The following FLT1 variants were observed in gnomAD, a reference collection of about 807,000 sequenced individuals.
The protein encoded by FLT1 is vascular endothelial growth factor receptor 1.
In FLT1, 49 loss-of-function variants were observed where a neutral mutation model predicts 156.3. The ratio of observed to expected loss-of-function variants is 0.31; its 90% CI spans 0.25 to 0.40. The LOEUF (loss-of-function observed/expected upper bound fraction) is 0.40. Among genes scored for constraint, FLT1 ranks in the 10% least tolerant of loss-of-function variants. FLT1 has a pLI of 1.00. For missense variants in FLT1, 1,322 were observed against 1,637.2 expected (o/e 0.81, Z 3.32); for synonymous variants, 594 against 583.8 (o/e 1.02, Z -0.25).
At chr13:28,487,317 A>G (rs1881219258) in intron 1 of FLT1, among the ~76,000 whole-genome samples, 1 of 152,240 alleles carries the variant, frequency 6.6e-6, no homozygotes, top group Non-Finnish European at 1.5e-5. Context: ...GGGTTTTGCT[A>G]CAGGTGGCCT....
At chr13:28,478,511 T>C (rs1659902254) in intron 1 of FLT1, among the ~76,000 whole-genome samples, 1 of 152,228 alleles carries the variant, frequency 6.6e-6, no homozygotes, top group African/African-American at 2.4e-5. Context: ...ATTTGATCAA[T>C]TCCGTATAGG....
At chr13:28,385,102 T>C in intron 13 of FLT1, 71 bp from the exon 14 acceptor site, 1 of 1,486,404 alleles carries the variant, frequency 6.7e-7, no homozygotes, top group Non-Finnish European at 9.4e-7. Flanking sequence ...CATATCAACA[T>C]TTAAAATATA....
At chr13:28,308,559 C>T in intron 28 of FLT1, 1 of 432,178 alleles carries the variant, frequency 2.3e-6, no homozygotes, top group Non-Finnish European at 4.3e-6. Flanking sequence ...AGCTGCATCA[C>T]TGACAGCTAA....
chr13:28,445,390 C>T (rs1402834963), intron 3 of FLT1, among the ~76,000 whole-genome samples: 1 of 152,068 alleles, frequency 6.6e-6, no homozygotes. Flanking sequence ...GCAGGAGAAT[C>T]GCTTGAACCC....
At chr13:28,451,975 G>T (rs1405404530) in intron 3 of FLT1, among the ~76,000 whole-genome samples, 2 of 152,118 alleles carry the variant, frequency 1.3e-5, no homozygotes, top group South Asian at 2.1e-4. Flanking sequence ...GTTGCCAAGT[G>T]GAAATATGCG....
intron 12 of FLT1, among the ~76,000 whole-genome samples, chr13:28,393,046 C>A (rs1025806288): frequency 2.0e-5 from 3 of 151,924 alleles, no homozygotes; most frequent in Non-Finnish European, 2.9e-5. Flanking sequence ...GAAAGAATTG[C>A]CTTCTAACCC....
chr13:28,456,305 C>T (rs1879257489), intron 3 of FLT1, among the ~76,000 whole-genome samples: 3 of 151,176 alleles, frequency 2.0e-5, no homozygotes, highest in African/African-American at 7.3e-5. Flanking sequence ...AATATATAAA[C>T]TATGAATATA....
rs956874422 is a variant in FLT1, at chr13:28,383,904, T to C, written c.2116+981A>G. Among the ~76,000 whole-genome samples the C allele has an allele frequency of 4.6e-5, 7 of 152,270 alleles. No individual in the cohort carries two copies. In the South Asian group the frequency reaches 1.0e-3, roughly 23 times the overall value. On this transcript the variant is annotated intron_variant, in intron 14 of 29. Transcript: ENST00000282397. ...TGCAGGAAGGTATGTGTAGGTTATATGCAAATACCATGTCATACCATTTTA... is the reference window on the plus strand; with the variant it reads ...TGCAGGAAGGTATGTGTAGGTTATACGCAAATACCATGTCATACCATTTTA...
intron 11 of FLT1, among the ~76,000 whole-genome samples, chr13:28,405,224 G>C (rs1254159288): frequency 1.3e-5 from 2 of 152,122 alleles, no homozygotes; most frequent in Non-Finnish European, 2.9e-5. Context: ...GCGCTGATGA[G>C]GTCAAGGAAT....
intron 27 of FLT1, among the ~76,000 whole-genome samples, 166 bp from the exon 28 acceptor site, chr13:28,309,093 A>C (rs1438668371): frequency 6.6e-6 from 1 of 152,116 alleles, no homozygotes; most frequent in African/African-American, 2.4e-5. Context: ...GGGAATCCTG[A>C]CAGCATTGCC....
intron 1 of FLT1, among the ~76,000 whole-genome samples, chr13:28,489,818 G>A (rs1406254526): frequency 6.6e-6 from 1 of 152,160 alleles, no homozygotes; most frequent in Non-Finnish European, 1.5e-5. Flanking sequence ...TCAGGAAAAG[G>A]ATACCAAGTG....
At chr13:28,464,573 A>G (rs565647555) in intron 3 of FLT1, among the ~76,000 whole-genome samples, 1 of 152,402 alleles carries the variant, frequency 6.6e-6, no homozygotes, top group East Asian at 1.9e-4. Context: ...AGGGAGGCAC[A>G]TTGCAGATAA....
intron 29 of FLT1, 127 bp from the exon 30 acceptor site, chr13:28,303,495 C>CT (rs1491242027): frequency 4.1e-5 from 33 of 796,312 alleles, no homozygotes; most frequent in Admixed American, 6.2e-5. Context: ...TTTTGGAACC[C>CT]CCCCCCCCTC....
intron 1 of FLT1, among the ~76,000 whole-genome samples, chr13:28,487,759 T>C (rs149015832): frequency 3.0e-3 from 462 of 152,232 alleles, no homozygotes; most frequent in Middle Eastern, 0.024. Flanking sequence ...TGCCACCAAG[T>C]CATTTTCTTT....
intron 23 of FLT1, among the ~76,000 whole-genome samples, chr13:28,320,169 GGA>G (rs1179731494): frequency 6.6e-6 from 1 of 152,096 alleles, no homozygotes; most frequent in African/African-American, 2.4e-5. Flanking sequence ...ATGGGATAAA[GGA>G]GAGACAAGGA....
intron 3 of FLT1, among the ~76,000 whole-genome samples, chr13:28,460,553 A>C (rs1879508752): frequency 6.6e-6 from 1 of 152,046 alleles, no homozygotes; most frequent in Admixed American, 6.5e-5. Flanking sequence ...AGTGGATTGC[A>C]CAGAACCACC....
intron 3 of FLT1, among the ~76,000 whole-genome samples, chr13:28,460,435 G>A (rs1361159901): frequency 6.6e-6 from 1 of 152,120 alleles, no homozygotes; most frequent in African/African-American, 2.4e-5. Flanking sequence ...CAAACAACAG[G>A]GCCTTGTGTG....
At chr13:28,473,735 AAGGAAGGAAGGAAGGAAG>A (rs1880339928) in intron 1 of FLT1, among the ~76,000 whole-genome samples, 1 of 63,640 alleles carries the variant, frequency 1.6e-5, no homozygotes, top group Non-Finnish European at 2.9e-5. Context: ...AGAAAGAAGG[AAGGAAGGAAGGAAGGAAG>A]GAAGGAAGGA....
In FLT1 at chr13:28,306,730, G is replaced by C; in HGVS notation, c.3763C>G (p.Leu1255Val). Reference protein sequence around the residue: ...DSSTLLASPMLKRFTWTDSKP... With the variant: ...DSSTLLASPMVKRFTWTDSKP... ...CTGTCAGTCCAGGTGAAGCGCTTCAGCATGGGAGAGGCCAACAGAGTGCTG... is the reference window on the plus strand; with the variant it reads ...CTGTCAGTCCAGGTGAAGCGCTTCACCATGGGAGAGGCCAACAGAGTGCTG... Residue 1255 changes from leucine to valine, a missense_variant, in exon 29 of 30, where the codon CTG becomes GTG. By Grantham distance (32) the Leu-to-Val change is conservative (BLOSUM62 1). Around this residue, in one of 3 missense-constraint regions of FLT1, gnomAD observed 329 missense variants for 366.2 expected, o/e 0.90. Transcript: ENST00000282397. 1 of 1,613,946 alleles carries C rather than the reference G, an allele frequency of 6.2e-7. No homozygotes were observed. The highest frequency in any genetic ancestry group is 8.5e-7 in the Non-Finnish European group (1 of 1,179,860).
Sources: allele counts gnomAD v4.1 joint callset (sites outside exome capture counted in the v4.1 genomes callset), GRCh38; gene constraint gnomAD v4.1.1; regional missense constraint gnomAD v4.1.1; transcripts MANE v1.5; gene names NCBI Gene and HGNC (gene_info 2026-07-23, HGNC 2026-07-21).